The following DLGAP1 variants were observed in gnomAD, a reference collection of about 807,000 sequenced individuals.
DLGAP1 encodes DLG associated protein 1.
In DLGAP1, 11 loss-of-function variants were observed where a neutral mutation model predicts 90.8. The observed-to-expected ratio is 0.12, with a 90% CI of 0.08 to 0.20. The LOEUF is 0.20. Among genes scored for constraint, DLGAP1 ranks in the 10% least tolerant of loss-of-function variants. DLGAP1 has a pLI of 1.00. For synonymous variants in DLGAP1, 558 were observed against 540.7 expected (o/e 1.03, Z -0.44); for missense variants, 1,050 against 1,333.8 (o/e 0.79, Z 3.31).
At position 3,590,188 on chromosome 18, in the gene DLGAP1, G is replaced by A. The variant is rs535502729; in HGVS notation, c.1592-7940C>T. 3.9e-5 allele frequency among the ~76,000 whole-genome samples: 6 copies of A among 152,274 alleles called. No individual in the cohort carries two copies. In the South Asian group the frequency reaches 6.2e-4, roughly 16 times the overall value. On this transcript the variant is annotated intron_variant, in intron 7 of 12. Coordinates refer to ENST00000315677, the MANE Select transcript of DLGAP1 (RefSeq NM_004746.4). ...GCCTCCCAAAGTGTTGGGATTACAC[G>A]TGTGAGTCACTGTGCCTGGCCAAAA... is the stretch of plus-strand genomic sequence containing the variant.
Position 3,879,982 on chromosome 18 carries a change from G to C in DLGAP1, c.87C>G (p.Arg29=). ...CCACTGGGCTCAGCAGGTAGGGCTT[G>C]CGGTCGGAGTGGTGCGACAGCGAGT... is the stretch of plus-strand genomic sequence containing the variant. ...ACDSLSHHSD[R]KPYLLSPVEH... is the part of the protein sequence containing the mutation. Residue 29 remains arginine (R), a synonymous_variant, in exon 4 of 13, where the codon CGC becomes CGG. Transcript: ENST00000315677. This position sits in a 1 kb window ranked among gnomAD's most constrained non-coding sequence, Gnocchi z 6.6. 6.2e-7 allele frequency: 1 copy of C among 1,612,240 alleles called. No homozygotes were observed. The highest frequency in any genetic ancestry group is 8.5e-7 in the Non-Finnish European group (1 of 1,179,952).
At chr18:4,399,717 CAG>C (rs903153430) in intron 1 of DLGAP1, among the ~76,000 whole-genome samples, 9 of 152,150 alleles carry the variant, frequency 5.9e-5, no homozygotes, top group African/African-American at 2.2e-4. Flanking sequence ...TGGCTTTCTC[CAG>C]AGAGGCAGGT....
chr18:3,740,594 C>A (rs769686032), intron 6 of DLGAP1, among the ~76,000 whole-genome samples: 19 of 152,038 alleles, frequency 1.2e-4, no homozygotes, highest in Non-Finnish European at 2.4e-4. Context: ...GAGCAGTGTC[C>A]CTATTTCAGG....
intron 1 of DLGAP1, among the ~76,000 whole-genome samples, chr18:4,204,531 T>TTG (rs1212433791): frequency 6.6e-6 from 1 of 150,946 alleles, no homozygotes; most frequent in African/African-American, 2.5e-5. Context: ...TTTTGTTTTT[T>TTG]TTTCTGACCG....
At chr18:4,090,011 C>G (rs551097034) in intron 2 of DLGAP1, among the ~76,000 whole-genome samples, 156 of 152,218 alleles carry the variant, frequency 1.0e-3, no homozygotes, top group African/African-American at 3.7e-3. Context: ...CGCCGCTGCA[C>G]TCCAGCCTGG....
intron 1 of DLGAP1, among the ~76,000 whole-genome samples, chr18:4,221,810 T>G (rs962573666): frequency 6.6e-6 from 1 of 152,176 alleles, no homozygotes; most frequent in African/African-American, 2.4e-5. Flanking sequence ...AAAATCTGAC[T>G]TCAGGGTTAT....
intron 1 of DLGAP1, among the ~76,000 whole-genome samples, chr18:4,196,952 C>T (rs2077509248): frequency 6.6e-6 from 1 of 151,938 alleles, no homozygotes; most frequent in Non-Finnish European, 1.5e-5. Context: ...GTGGGTGGAT[C>T]ACCAGAGGTC....
intron 2 of DLGAP1, among the ~76,000 whole-genome samples, chr18:4,068,902 CTGAT>C (rs2075407348): frequency 1.3e-5 from 2 of 152,150 alleles, no homozygotes; most frequent in African/African-American, 4.8e-5. Flanking sequence ...TGTTGTCTCT[CTGAT>C]TATTAGTAGA....
chr18:4,420,528 C>A (rs1024836624), intron 1 of DLGAP1, among the ~76,000 whole-genome samples: 1 of 152,132 alleles, frequency 6.6e-6, no homozygotes, highest in Non-Finnish European at 1.5e-5. Context: ...TTCTCCTCAC[C>A]TCAGTGGTCA....
intron 5 of DLGAP1, among the ~76,000 whole-genome samples, chr18:3,769,657 A>G (rs924276271): frequency 1.3e-5 from 2 of 152,212 alleles, no homozygotes; most frequent in Non-Finnish European, 2.9e-5. Context: ...ACAGAGTTAC[A>G]GAAATGGAGA....
intron 1 of DLGAP1, among the ~76,000 whole-genome samples, chr18:4,158,538 T>C (rs1244600728): frequency 6.6e-6 from 1 of 152,094 alleles, no homozygotes; most frequent in Non-Finnish European, 1.5e-5. Flanking sequence ...ATAGAGAACT[T>C]TGGAAATAGA....
chr18:3,713,074 G>C (rs11081067), intron 7 of DLGAP1, among the ~76,000 whole-genome samples: 42,558 of 152,144 alleles, frequency 0.28, 6,457 homozygotes, highest in South Asian at 0.37. Context: ...GCAAAAACCA[G>C]ATGCAGACTA....
intron 1 of DLGAP1, among the ~76,000 whole-genome samples, chr18:4,264,276 T>C (rs2079059857): frequency 6.6e-6 from 1 of 152,226 alleles, no homozygotes; most frequent in Non-Finnish European, 1.5e-5. Flanking sequence ...TTTGCTTTTC[T>C]CATCTCCATC....
chr18:4,285,168 T>C (rs113560564), intron 1 of DLGAP1, among the ~76,000 whole-genome samples: 48 of 152,174 alleles, frequency 3.2e-4, no homozygotes, highest in African/African-American at 1.1e-3. Context: ...AGGTGGAAGA[T>C]CTGGTTGCTA....
At chr18:4,047,062 T>C (rs1475452324) in intron 2 of DLGAP1, among the ~76,000 whole-genome samples, 1 of 152,236 alleles carries the variant, frequency 6.6e-6, no homozygotes, top group Non-Finnish European at 1.5e-5. Flanking sequence ...TCAAATAACT[T>C]ACTTCAATGT....
At chr18:4,177,080 G>A (rs527238763) in intron 1 of DLGAP1, among the ~76,000 whole-genome samples, 10 of 152,226 alleles carry the variant, frequency 6.6e-5, no homozygotes, top group African/African-American at 2.4e-4. Context: ...AAGGCATAGA[G>A]GTGGGTCGAG....
At chr18:4,011,245 G>A (rs1255200893) in intron 2 of DLGAP1, among the ~76,000 whole-genome samples, 8 of 151,424 alleles carry the variant, frequency 5.3e-5, no homozygotes, top group East Asian at 1.9e-4. Context: ...TAAAGAGGTC[G>A]TGAGCATGGT....
chr18:4,407,483 C>T (rs962543137), intron 1 of DLGAP1, among the ~76,000 whole-genome samples: 15 of 152,178 alleles, frequency 9.9e-5, no homozygotes, highest in African/African-American at 2.9e-4. Flanking sequence ...GTAGCAGTAA[C>T]GCAAAGCAGT....
intron 2 of DLGAP1, among the ~76,000 whole-genome samples, chr18:4,098,706 A>G (rs2075725021): frequency 6.6e-6 from 1 of 152,258 alleles, no homozygotes; most frequent in East Asian, 1.9e-4. Flanking sequence ...AATAAGGACA[A>G]AATAAAATGC....
Sources: gnomAD v4.1 joint callset for allele counts (sites outside exome capture counted in the v4.1 genomes callset) on GRCh38, gnomAD v4.1.1 for gene constraint, Gnocchi (gnomAD v3.1) non-coding constraint, MANE v1.5 for transcripts, NCBI Gene and HGNC (gene_info 2026-07-23, HGNC 2026-07-21) for gene names.